KLHL1: variants seen among roughly 807,000 people sequenced by gnomAD.
KLHL1 encodes the protein kelch like family member 1, also known as kelch-like protein 1.
KLHL1 carries 47 observed loss-of-function variants against 77.7 expected under a neutral mutation model. The ratio of observed to expected loss-of-function variants is 0.60; its 90% CI spans 0.48 to 0.77. The LOEUF is 0.77. Among genes scored for constraint, KLHL1 ranks in the 30% least tolerant of loss-of-function variants. The pLI, the probability that KLHL1 is intolerant of heterozygous loss-of-function variation, is 0.00. For synonymous variants in KLHL1, 360 were observed against 325.2 expected, an observed-to-expected ratio of 1.11 and a Z score of -1.15; for missense variants, 925 against 910.8, an observed-to-expected ratio of 1.02 and a Z score of -0.20.
At chr13:69,936,741 A>C (rs1231319564) in intron 4 of KLHL1, among the ~76,000 whole-genome samples, 1 of 152,126 alleles carries the variant, frequency 6.6e-6, no homozygotes, top group Non-Finnish European at 1.5e-5. Flanking sequence ...ACAGCCATTG[A>C]AAAAACTATG....
At chr13:70,058,553 A>G (rs960442132) in intron 1 of KLHL1, among the ~76,000 whole-genome samples, 2 of 152,204 alleles carry the variant, frequency 1.3e-5, no homozygotes, top group Non-Finnish European at 2.9e-5. Flanking sequence ...AGATCAGACT[A>G]TTGATTAAAG....
At chr13:69,990,275 T>C (rs1015253723) in intron 1 of KLHL1, among the ~76,000 whole-genome samples, 5 of 151,958 alleles carry the variant, frequency 3.3e-5, no homozygotes, top group African/African-American at 1.2e-4. Context: ...GTCTGCATAA[T>C]AACCAGCTAA....
At position 69,907,261 on chromosome 13, in the gene KLHL1, A is replaced by G. The variant is rs73508501; in HGVS notation, c.1015-24766T>C. ...AATATATCACCATTTTAGATGAACC[A>G]TGGGTATAAAAGCAAAAAGTGTGAA... On this transcript the variant is annotated intron_variant, in intron 4 of 10. Coordinates refer to ENST00000377844, the MANE Select transcript of KLHL1 (RefSeq NM_020866.3). 7.7e-3 allele frequency among the ~76,000 whole-genome samples: 1,170 copies of G among 152,118 alleles called. 19 individuals carry two copies. Among genetic ancestry groups the G allele is most frequent in the African/African-American group, 0.027 (1,119 of 41,564 alleles).
chr13:69,990,092 A>G (rs577253958), intron 1 of KLHL1, among the ~76,000 whole-genome samples: 10 of 152,148 alleles, frequency 6.6e-5, no homozygotes, highest in Admixed American at 6.6e-4. Flanking sequence ...TCATAAGCAA[A>G]GGATAAATAA....
chr13:69,791,345 C>A (rs370850106), intron 7 of KLHL1, among the ~76,000 whole-genome samples: 20 of 151,514 alleles, frequency 1.3e-4, no homozygotes, highest in Non-Finnish European at 1.5e-5. Context: ...TTTTTTTTTA[C>A]GTGGCAATAC....
At position 69,985,883 on chromosome 13, in the gene KLHL1, GTA is replaced by G. The variant is rs1309424351; in HGVS notation, c.498-10083_498-10082del. Among the ~76,000 whole-genome samples the G allele has an allele frequency of 6.2e-5, 8 of 128,678 alleles. No homozygotes were observed. In the South Asian group the frequency reaches 1.7e-3, roughly 27 times the overall value. 84.4% of individuals were successfully genotyped at this position (128,678 alleles called of 152,430 possible). On this transcript the variant is annotated intron_variant, in intron 1 of 10. Coordinates refer to ENST00000377844, the MANE Select transcript of KLHL1 (RefSeq NM_020866.3). ...ACATAGTATTCCACTGTGTGTGTGT[GTA>G]TGTATATAAGTATATATATGTAAGT...
At chr13:70,006,001 C>G (rs938230593) in intron 1 of KLHL1, among the ~76,000 whole-genome samples, 1 of 152,062 alleles carries the variant, frequency 6.6e-6, no homozygotes, top group South Asian at 2.1e-4. Context: ...TATTTAGCAA[C>G]GATGCTCCAT....
chr13:70,029,062 C>T (rs891121100), intron 1 of KLHL1, among the ~76,000 whole-genome samples: 17 of 151,952 alleles, frequency 1.1e-4, no homozygotes, highest in South Asian at 2.1e-4. Flanking sequence ...GATCAGTAAC[C>T]GCTATATAAT....
At chr13:69,807,309 C>T (rs1284321205) in intron 6 of KLHL1, among the ~76,000 whole-genome samples, 1 of 152,032 alleles carries the variant, frequency 6.6e-6, no homozygotes, top group South Asian at 2.1e-4. Context: ...GGACCAAGCC[C>T]ACCCTTGGCC....
At chr13:69,918,609 TG>T (rs1408371229) in intron 4 of KLHL1, among the ~76,000 whole-genome samples, 1 of 152,082 alleles carries the variant, frequency 6.6e-6, no homozygotes, top group Non-Finnish European at 1.5e-5. Flanking sequence ...TTTCAATAAC[TG>T]GACATGTTTC....
chr13:69,752,777 C>T (rs1197765678), intron 7 of KLHL1, among the ~76,000 whole-genome samples: 1 of 152,084 alleles, frequency 6.6e-6, no homozygotes, highest in East Asian at 1.9e-4. Flanking sequence ...TTGAGCGGAA[C>T]ATAGAAAAAA....
At chr13:69,918,904 C>T (rs925740296) in intron 4 of KLHL1, among the ~76,000 whole-genome samples, 4 of 152,130 alleles carry the variant, frequency 2.6e-5, no homozygotes, top group Non-Finnish European at 5.9e-5. Flanking sequence ...CTTCTTTACT[C>T]TTCATCACCT....
At chr13:69,851,514 G>T (rs1879690454) in intron 5 of KLHL1, among the ~76,000 whole-genome samples, 1 of 151,768 alleles carries the variant, frequency 6.6e-6, no homozygotes, top group Non-Finnish European at 1.5e-5. Context: ...TTTGACTTTA[G>T]AGTTGCATGA....
chr13:69,719,270 T>C, intron 9 of KLHL1, 99 bp downstream of exon 9: 1 of 948,958 alleles, frequency 1.1e-6, no homozygotes, highest in Admixed American at 2.0e-5. Context: ...GTGTTGAATT[T>C]ACCCTTCCTA....
chr13:69,925,422 A>T lies in KLHL1; in HGVS notation c.1014+14618T>A, dbSNP rs1248407472. Among the ~76,000 whole-genome samples, 3 of 152,206 alleles carry T rather than the reference A, an allele frequency of 2.0e-5. No homozygotes were observed. The East Asian group carries it at 5.8e-4, about 29-fold the overall frequency. ...CTATAATTATTAATATTTTAGTGCAATCATGAAGAAATTGTAATTCTTTGC... is the reference window on the plus strand; with the variant it reads ...CTATAATTATTAATATTTTAGTGCATTCATGAAGAAATTGTAATTCTTTGC... On this transcript the variant is annotated intron_variant, in intron 4 of 10. Transcript: ENST00000377844.
chr13:69,808,642 A>G (rs543951892), intron 6 of KLHL1, among the ~76,000 whole-genome samples: 1 of 152,110 alleles, frequency 6.6e-6, no homozygotes, highest in South Asian at 2.1e-4. Flanking sequence ...CAGCACAAAA[A>G]CTCCAGCAAT....
At chr13:69,921,368 C>T (rs1185074206) in intron 4 of KLHL1, among the ~76,000 whole-genome samples, 1 of 152,166 alleles carries the variant, frequency 6.6e-6, no homozygotes, top group African/African-American at 2.4e-5. Context: ...CTCAGTCTTG[C>T]ACAGCAGTGG....
chr13:69,735,466 A>G (rs78843668), intron 8 of KLHL1, among the ~76,000 whole-genome samples: 2,794 of 150,604 alleles, frequency 0.019, 48 homozygotes, highest in Non-Finnish European at 0.032. Context: ...ATCTATTATA[A>G]ATTGAATAGT....
intron 2 of KLHL1, among the ~76,000 whole-genome samples, chr13:69,969,436 T>C (rs891459511): frequency 6.6e-6 from 1 of 152,094 alleles, no homozygotes; most frequent in East Asian, 1.9e-4. Context: ...TGTCAGATGG[T>C]GAGTTTTATC....
Sources: allele counts gnomAD v4.1 joint callset (sites outside exome capture counted in the v4.1 genomes callset), GRCh38; gene constraint gnomAD v4.1.1; transcripts MANE v1.5; gene names NCBI Gene and HGNC (gene_info 2026-07-23, HGNC 2026-07-21).